WIZ: variants seen among roughly 807,000 people sequenced by gnomAD.
The protein encoded by WIZ is protein Wiz.
In WIZ, 25 loss-of-function variants were observed where a neutral mutation model predicts 140.2. That is an observed-to-expected ratio of 0.18 (90% CI 0.13 to 0.25). WIZ has a LOEUF of 0.25. WIZ is among the 10% of genes least tolerant of loss of function. The pLI is 1.00. For missense variants in WIZ, 2,231 were observed against 2,632.6 expected (o/e 0.85, Z 3.34); for synonymous variants, 1,125 against 1,154.3 (o/e 0.97, Z 0.51).
intron 4 of WIZ, among the ~76,000 whole-genome samples, chr19:15,438,027 T>G (rs773172936): frequency 5.3e-4 from 81 of 151,590 alleles, no homozygotes; most frequent in Non-Finnish European, 8.2e-4. Context: ...ACACACACAC[T>G]CAAACACCAT....
chr19:15,438,914 C>T lies in WIZ; in HGVS notation c.2080G>A (p.Val694Ile). The T allele has an allele frequency of 6.9e-7, 1 of 1,446,620 alleles. No individual in the cohort carries two copies. The highest frequency in any genetic ancestry group is 9.1e-7 in the Non-Finnish European group (1 of 1,101,338). The allele number at this position is 1,446,620 out of a possible 1,614,324, so 89.6% of individuals were successfully genotyped here. A position where few individuals can be genotyped will look rare whatever the true frequency, so the allele number is the denominator to read the frequency against. The change falls in exon 4 of 13, where the codon GTC becomes ATC. Residue 694 changes from valine to isoleucine, a missense_variant. Val to Ile is a conservative substitution (Grantham distance 29, BLOSUM62 3). Transcript: ENST00000673675. ...GGGGGCACCCTGGCTGCCGCCATGA[C>T]CTGCGGCCCCAGCTTCGCCACGAGC... ...IVLVAKLGPQ[V>I]MAAARVPPRL...
rs753773131 is a variant in WIZ at position 15,448,240 on chromosome 19, C to A, written c.68G>T (p.Gly23Val). 19 of 1,613,416 alleles carry A rather than the reference C, an allele frequency of 1.2e-5. No individual in the cohort carries two copies. Among genetic ancestry groups the A allele is most frequent in the Middle Eastern group, 1.6e-4 (1 of 6,076 alleles). The change falls in exon 2 of 13, where the codon GGC becomes GTC. Residue 23 changes from glycine (G) to valine (V), a missense_variant. Gly to Val is a moderately radical substitution (Grantham distance 109, BLOSUM62 -3). This residue lies in a region of WIZ where 85 missense variants were observed against 90.9 expected (regional missense o/e 0.94). Coordinates refer to ENST00000673675, the MANE Select transcript of WIZ (RefSeq NM_001371589.1). ...DRPQGPERLPGPAPRENIEGG... is the reference protein window; with the variant it reads ...DRPQGPERLPVPAPRENIEGG... ...CTCGATGTTCTCCCTTGGCGCCGGG[C>A]CAGGCAGTCTCTCTGGGCCTTGGGG...
chr19:15,428,114 G>T lies in WIZ; in HGVS notation c.3810C>A (p.Asn1270Lys), dbSNP rs1968970407. 6.5e-7 allele frequency: 1 copy of T among 1,534,094 alleles called. No homozygotes were observed. The highest frequency in any genetic ancestry group is 8.7e-7 in the Non-Finnish European group (1 of 1,146,734). Residue 1270 changes from asparagine to lysine, a missense_variant, in exon 8 of 13, where the codon AAC becomes AAA. Physicochemically the swap from Asn to Lys is moderately conservative, Grantham distance 94. Coordinates refer to ENST00000673675, the MANE Select transcript of WIZ (RefSeq NM_001371589.1). This position sits in a 1 kb window ranked among gnomAD's most constrained non-coding sequence, Gnocchi z 6.4. The stretch of plus-strand genomic sequence containing the variant: ...GCAGCTGAAGCGAGAACCTACAGAG[G>T]TTGAGAGGAGACGGCTCCACATCAG... ...WASDVEPSPLNLSSGPEPARD... is the reference protein window; with the variant it reads ...WASDVEPSPLKLSSGPEPARD...
chr19:15,446,700 A>G (rs952851732), intron 2 of WIZ, among the ~76,000 whole-genome samples: 3 of 152,082 alleles, frequency 2.0e-5, no homozygotes, highest in Non-Finnish European at 4.4e-5. Flanking sequence ...GTTGCTCCCC[A>G]CCAGGTGCTT....
chr19:15,445,658 T>G (rs921179857), intron 2 of WIZ, among the ~76,000 whole-genome samples: 14 of 152,262 alleles, frequency 9.2e-5, no homozygotes, highest in African/African-American at 3.1e-4. Flanking sequence ...ATGCCAGGCA[T>G]GTACCAGACT....
chr19:15,427,017 C>A lies in WIZ; in HGVS notation c.4331G>T (p.Gly1444Val). 6.2e-7 allele frequency: 1 copy of A among 1,613,986 alleles called. No individual in the cohort carries two copies. The highest frequency in any genetic ancestry group is 1.1e-5 in the South Asian group (1 of 91,074). ...GGGTGTCATGTCTTCCCGTGGTGCCCCCCAGGGACCCTCAGATGGGTGCAG... is the reference window on the plus strand; with the variant it reads ...GGGTGTCATGTCTTCCCGTGGTGCCACCCAGGGACCCTCAGATGGGTGCAG... ...GELHPSEGPW[G>V]APREDMTPLN... Residue 1444 changes from glycine to valine, a missense_variant, in exon 9 of 13, where the codon GGG becomes GTG. By Grantham distance (109) the Gly-to-Val change is moderately radical (BLOSUM62 -3). Transcript: ENST00000673675. The surrounding 1 kb of genome is among the most constrained non-coding windows in gnomAD (Gnocchi z 6.4).
chr19:15,432,048 G>A (rs1222267864), intron 5 of WIZ, among the ~76,000 whole-genome samples: 1 of 152,192 alleles, frequency 6.6e-6, no homozygotes, highest in Admixed American at 6.5e-5. Flanking sequence ...GAGTCTCGCA[G>A]AAGCAAAGAG....
intron 5 of WIZ, chr19:15,432,327 G>A: frequency 3.5e-6 from 2 of 575,782 alleles, no homozygotes; most frequent in Non-Finnish European, 4.4e-6. Context: ...AGGGCCTGGG[G>A]GAGGGGGGGG....
chr19:15,427,270 A>T lies in WIZ; in HGVS notation c.4078T>A (p.Ser1360Thr). Residue 1360 changes from serine (S) to threonine (T), a missense_variant, in exon 9 of 13, where the codon TCA (serine) becomes ACA (threonine). By Grantham distance (58) the Ser-to-Thr change is moderately conservative (BLOSUM62 1). Around this residue, in one of 15 missense-constraint regions of WIZ, gnomAD observed 393 missense variants for 451.7 expected, o/e 0.87. Coordinates refer to ENST00000673675, the MANE Select transcript of WIZ (RefSeq NM_001371589.1). This position sits in a 1 kb window ranked among gnomAD's most constrained non-coding sequence, Gnocchi z 6.4. ...TCCGAGGGGCTGCGGGCTTCCAGTG[A>T]GCTGCCAGGACCTGCGCCGCCCATC... The part of the protein sequence containing the change: ...KMMGGAGPGS[S>T]LEARSPSDLH... The T allele has an allele frequency of 6.2e-7, 1 of 1,613,674 alleles. No homozygotes were observed. The highest frequency in any genetic ancestry group is 1.1e-5 in the South Asian group (1 of 91,056).
rs1968590931 is a variant in WIZ at position 15,424,540 on chromosome 19, G to A, written c.5314+73C>T. The A allele has an allele frequency of 1.3e-6, 2 of 1,532,900 alleles. No individual in the cohort carries two copies. Among genetic ancestry groups the A allele is most frequent in the Middle Eastern group, 2.4e-4 (1 of 4,156 alleles). The allele number at this position is 1,532,900 out of a possible 1,614,324, so 95.0% of individuals were successfully genotyped here. ...GAAAGGACTTAAGGGCCACAGCAGA[G>A]CGCCTGGGGAGTGGCTGGGTGGGCC... On this transcript the variant is annotated intron_variant, in intron 11 of 12. Coordinates refer to ENST00000673675, the MANE Select transcript of WIZ (RefSeq NM_001371589.1). The surrounding 1 kb of genome is among the most constrained non-coding windows in gnomAD (Gnocchi z 9.7).
chr19:15,428,487 C>G lies in WIZ; in HGVS notation c.3437G>C (p.Arg1146Thr). 2 of 1,535,622 alleles carry G rather than the reference C, an allele frequency of 1.3e-6. No homozygotes were observed. The highest frequency in any genetic ancestry group is 8.7e-7 in the Non-Finnish European group (1 of 1,146,844). The change falls in exon 8 of 13, where the codon AGA becomes ACA. Residue 1146 changes from arginine to threonine, a missense_variant. Around this residue, in one of 15 missense-constraint regions of WIZ, gnomAD observed 39 missense variants for 74.9 expected, o/e 0.52. Transcript: ENST00000673675. This position sits in a 1 kb window ranked among gnomAD's most constrained non-coding sequence, Gnocchi z 6.4. ...LNLTLDSDGG[R>T]ELDCQLCGAW... ...ACCGCACAGCTGGCAGTCCAGCTCTCTGCCCCCGTCACTATCTAAAGCTGC... is the reference window on the plus strand; with the variant it reads ...ACCGCACAGCTGGCAGTCCAGCTCTGTGCCCCCGTCACTATCTAAAGCTGC...
At chr19:15,431,743 G>A (rs1969254272) in intron 5 of WIZ, among the ~76,000 whole-genome samples, 1 of 152,228 alleles carries the variant, frequency 6.6e-6, no homozygotes, top group African/African-American at 2.4e-5. Flanking sequence ...AGTGGGGTAA[G>A]GTGTCTGCAC....
chr19:15,439,598 A>C lies in WIZ; in HGVS notation c.1396T>G (p.Cys466Gly), dbSNP rs1305354492. ...GGCGCGGGGAAACCACAGAAGACAC[A>C]GGCGCTGAGGCCAACGGCAGCTCCG... ...PYGAAVGLSA[C>G]VFCGFPAPSE... Residue 466 changes from cysteine to glycine, a missense_variant, in exon 4 of 13, where the codon TGT becomes GGT. Cys to Gly is a radical substitution (Grantham distance 159). This residue lies in a region of WIZ where 475 missense variants were observed against 520.2 expected (regional missense o/e 0.91). Transcript: ENST00000673675. This position sits in a 1 kb window ranked among gnomAD's most constrained non-coding sequence, Gnocchi z 7.0. The C allele has an allele frequency of 6.8e-7, 1 of 1,480,100 alleles. No homozygotes were observed. 91.7% of individuals were successfully genotyped at this position (1,480,100 alleles called of 1,614,324 possible).
In WIZ at chr19:15,424,742, C is replaced by A. The variant is rs565520650; in HGVS notation, c.5185G>T (p.Val1729Phe). 3 of 1,571,166 alleles carry A rather than the reference C, an allele frequency of 1.9e-6. No homozygotes were observed. The South Asian group carries it at 3.5e-5, about 18-fold the overall frequency. Reference sequence around the variant, plus strand: ...GGCTCCCCTCCGGCACTGCGGCCGACCACGGCCAGGCCCCCGGGTGCCAGC... The same window carrying A: ...GGCTCCCCTCCGGCACTGCGGCCGAACACGGCCAGGCCCCCGGGTGCCAGC... ...LGLAPGGLAV[V>F]GRSAGGEPGP... Residue 1729 changes from valine to phenylalanine, a missense_variant, in exon 11 of 13, where the codon GTC becomes TTC. Physicochemically the swap from Val to Phe is conservative, Grantham distance 50. This residue lies in a region of WIZ where 299 missense variants were observed against 309.6 expected (regional missense o/e 0.97). Coordinates refer to ENST00000673675, the MANE Select transcript of WIZ (RefSeq NM_001371589.1). The surrounding 1 kb of genome is among the most constrained non-coding windows in gnomAD (Gnocchi z 9.7).
At chr19:15,425,063 C>CA in intron 10 of WIZ, 31 bp from the exon 11 acceptor site, 4 of 1,532,456 alleles carry the variant, frequency 2.6e-6, no homozygotes, top group Non-Finnish European at 3.5e-6. Context: ...TGCTGAGTCA[C>CA]AGCCCAAAGG....
At chr19:15,432,534 CGGGGGTGGGGGCGGCGGCGGCGGCGCG>C (rs1969327050) in intron 5 of WIZ, 1 of 118,472 alleles carries the variant, frequency 8.4e-6, no homozygotes, top group South Asian at 3.0e-4. Flanking sequence ...GCGGCGGCGG[CGGGGGTGGGGGCGGCGGCGGCGGCGCG>C]GGGGGTGCCG....
Position 15,440,321 on chromosome 19 carries a change from T to C in WIZ, c.673A>G (p.Thr225Ala). 1 of 1,518,502 alleles carries C rather than the reference T, an allele frequency of 6.6e-7. No homozygotes were observed. Among genetic ancestry groups the C allele is most frequent in the Non-Finnish European group, 8.8e-7 (1 of 1,136,442 alleles). The allele number at this position is 1,518,502 out of a possible 1,614,324, so 94.1% of individuals were successfully genotyped here. A position where few individuals can be genotyped will look rare whatever the true frequency, so the allele number is the denominator to read the frequency against. ...ACCGCCATGTCCAGCGTCTTCGGGG[T>C]GTCTTCCACTGGCACAAACACCCTC... ...FRRVFVPVED[T>A]PKTLDMAVVG... The change falls in exon 4 of 13, where the codon ACC becomes GCC. Residue 225 changes from threonine (T) to alanine (A), a missense_variant. Thr to Ala is a moderately conservative substitution (Grantham distance 58). Around this residue, in one of 15 missense-constraint regions of WIZ, gnomAD observed 307 missense variants for 294.1 expected, o/e 1.04. Transcript: ENST00000673675. The surrounding 1 kb of genome is among the most constrained non-coding windows in gnomAD (Gnocchi z 6.2).
At position 15,438,953 on chromosome 19, in the gene WIZ, TC is replaced by T. The variant is rs1568309256; in HGVS notation, c.2040del (p.Met681TrpfsTer64). ...ATQGQQQQLR[G>X]MVPIVLVAKL... ...TTCGCCACGAGCACAATGGGTACCA[TC>T]CCTCGGAGCTGCTGCTGCTGCCCCT... is the stretch of plus-strand genomic sequence containing the variant. On this transcript the variant is annotated frameshift_variant, in exon 4 of 13. Transcript: ENST00000673675. LOFTEE classifies it high-confidence loss of function. 6.9e-7 allele frequency: 1 copy of T among 1,450,506 alleles called. No individual in the cohort carries two copies. Among genetic ancestry groups the T allele is most frequent in the Non-Finnish European group, 9.1e-7 (1 of 1,104,046 alleles). 89.9% of individuals were successfully genotyped at this position (1,450,506 alleles called of 1,614,324 possible). A position where few individuals can be genotyped will look rare whatever the true frequency, so the allele number is the denominator to read the frequency against.
rs746350365 is a variant in WIZ at position 15,425,767 on chromosome 19, C to T, written c.4368G>A (p.Ser1456=). The T allele has an allele frequency of 1.9e-5, 29 of 1,521,090 alleles. 1 individual carries two copies. The highest frequency in any genetic ancestry group is 5.8e-5 in the South Asian group (5 of 86,574). 94.2% of individuals were successfully genotyped at this position (1,521,090 alleles called of 1,614,324 possible). A position where few individuals can be genotyped will look rare whatever the true frequency, so the allele number is the denominator to read the frequency against. Residue 1456 remains serine, a splice_region_variant and synonymous_variant, in exon 10 of 13, where the codon TCG becomes TCA. Transcript: ENST00000673675. The part of the protein sequence containing the change: ...PREDMTPLNL[S]SRAEPVRDIR... ...TGTCGCGCACCGGCTCTGCCCGGGA[C>T]GCTGCAGGGGATCCAGGGTAGGGGG...
Sources: allele counts gnomAD v4.1 joint callset (sites outside exome capture counted in the v4.1 genomes callset), GRCh38; gene constraint gnomAD v4.1.1; regional missense constraint gnomAD v4.1.1; non-coding constraint Gnocchi (gnomAD v3.1); transcripts MANE v1.5; gene names NCBI Gene and HGNC (gene_info 2026-07-23, HGNC 2026-07-21).